Variants in KITLG observed in about 807,000 individuals in gnomAD.
KITLG encodes c-Kit ligand.
A neutral mutation model predicts 34.1 loss-of-function variants in KITLG; 13 were observed. The ratio of observed to expected loss-of-function variants is 0.38; its 90% CI spans 0.25 to 0.61. KITLG has a LOEUF of 0.61. Ranked by LOEUF, KITLG falls within the 20% of genes least tolerant of loss-of-function variation. The probability of loss-of-function intolerance (pLI) is 0.60; values close to 1 mark genes in which losing one functional copy is unlikely to be tolerated. For missense variants in KITLG, 292 were observed against 318.9 expected (o/e 0.92, Z 0.64); for synonymous variants, 110 against 104.0 (o/e 1.06, Z -0.35).
intron 3 of KITLG, among the ~76,000 whole-genome samples, chr12:88,529,816 G>A (rs1870016783): frequency 6.6e-6 from 1 of 152,208 alleles, no homozygotes; most frequent in Non-Finnish European, 1.5e-5. Flanking sequence ...CAAAGGGTGA[G>A]ACCCCTGGTT....
At chr12:88,506,506 T>C in intron 7 of KITLG, 128 bp from the exon 8 acceptor site, 1 of 729,756 alleles carries the variant, frequency 1.4e-6, no homozygotes. Context: ...GCATGTAGCA[T>C]GCAAAATATC....
chr12:88,544,302 T>C lies in KITLG; in HGVS notation c.129+1450A>G, dbSNP rs138303066. Among the ~76,000 whole-genome samples, 41 of 152,258 alleles carry C rather than the reference T, an allele frequency of 2.7e-4. No homozygotes were observed. The East Asian group carries it at 7.7e-3, about 29-fold the overall frequency. On this transcript the variant is annotated intron_variant, in intron 2 of 9. Coordinates refer to ENST00000644744, the MANE Select transcript of KITLG (RefSeq NM_000899.5). ...ATCCCGCTGACATATTATCTCTATT[T>C]AACAGATGAAGAAACTGAGGCTAGA...
chr12:88,546,717 G>C (rs1870731555), intron 1 of KITLG, among the ~76,000 whole-genome samples: 2 of 152,052 alleles, frequency 1.3e-5, no homozygotes, highest in South Asian at 4.1e-4. Flanking sequence ...CAGTGGTCAA[G>C]GTAAAAATAT....
chr12:88,545,688 A>G (rs575969222), intron 2 of KITLG, 64 bp downstream of exon 2: 2 of 927,352 alleles, frequency 2.2e-6, no homozygotes, highest in East Asian at 2.4e-5. Flanking sequence ...TCTTTTATCA[A>G]CAAGCACAGG....
At chr12:88,522,325 T>C (rs1869698179) in intron 3 of KITLG, among the ~76,000 whole-genome samples, 1 of 152,132 alleles carries the variant, frequency 6.6e-6, no homozygotes, top group African/African-American at 2.4e-5. Flanking sequence ...AATTCTGGCA[T>C]GCTTTCTCCT....
chr12:88,551,232 ATTAG>A (rs1310828856), intron 1 of KITLG, among the ~76,000 whole-genome samples: 1 of 152,224 alleles, frequency 6.6e-6, no homozygotes, highest in East Asian at 1.9e-4. Context: ...ATAGCTAAAC[ATTAG>A]GACAGGGAGA....
chr12:88,534,940 T>C (rs2120885523), intron 2 of KITLG, among the ~76,000 whole-genome samples: 1 of 152,270 alleles, frequency 6.6e-6, no homozygotes, highest in South Asian at 2.1e-4. Context: ...TTCTATCTCA[T>C]TTTGAATAAA....
chr12:88,529,153 TA>T (rs915372241), intron 3 of KITLG, among the ~76,000 whole-genome samples: 2 of 152,060 alleles, frequency 1.3e-5, no homozygotes, highest in Non-Finnish European at 2.9e-5. Context: ...TAGCTAAAAA[TA>T]AAAAAATTTT....
At chr12:88,579,393 G>A (rs558535197) in intron 1 of KITLG, among the ~76,000 whole-genome samples, 1 of 152,164 alleles carries the variant, frequency 6.6e-6, no homozygotes, top group African/African-American at 2.4e-5. Context: ...ATCAACAATG[G>A]TGAAGAGAAC....
intron 1 of KITLG, among the ~76,000 whole-genome samples, chr12:88,573,317 T>A (rs191646669): frequency 2.0e-5 from 3 of 152,272 alleles, no homozygotes; most frequent in Admixed American, 1.3e-4. Flanking sequence ...AGCCAAAGAA[T>A]CTGTGTGTTT....
intron 3 of KITLG, among the ~76,000 whole-genome samples, chr12:88,524,766 G>T (rs968383689): frequency 6.6e-6 from 1 of 152,054 alleles, no homozygotes; most frequent in African/African-American, 2.4e-5. Flanking sequence ...ACTTAAAATA[G>T]CATTTAATGT....
intron 2 of KITLG, among the ~76,000 whole-genome samples, chr12:88,543,199 T>C (rs1265376079): frequency 6.6e-6 from 1 of 152,138 alleles, no homozygotes; most frequent in African/African-American, 2.4e-5. Flanking sequence ...ATCATGTTGC[T>C]TTGCTGCACC....
At chr12:88,528,639 T>G (rs1162562120) in intron 3 of KITLG, among the ~76,000 whole-genome samples, 1 of 152,224 alleles carries the variant, frequency 6.6e-6, no homozygotes, top group African/African-American at 2.4e-5. Context: ...AAATACACAC[T>G]GAAGTATTTA....
intron 9 of KITLG, among the ~76,000 whole-genome samples, chr12:88,504,178 A>G (rs1868962166): frequency 6.6e-6 from 1 of 152,116 alleles, no homozygotes; most frequent in South Asian, 2.1e-4. Context: ...TACCTTTCAA[A>G]ACTGGAGAAT....
chr12:88,545,001 C>CT (rs1387872099), intron 2 of KITLG, among the ~76,000 whole-genome samples: 1 of 152,124 alleles, frequency 6.6e-6, no homozygotes, highest in Non-Finnish European at 1.5e-5. Context: ...GCTTCTCAAG[C>CT]TTTGTTCATC....
intron 9 of KITLG, among the ~76,000 whole-genome samples, chr12:88,498,376 C>A (rs1266333576): frequency 6.6e-6 from 1 of 152,052 alleles, no homozygotes; most frequent in Non-Finnish European, 1.5e-5. Context: ...AAGCAGAGAA[C>A]TCTAGAAGCT....
chr12:88,551,177 A>G (rs1468216559), intron 1 of KITLG, among the ~76,000 whole-genome samples: 1 of 152,206 alleles, frequency 6.6e-6, no homozygotes, highest in Non-Finnish European at 1.5e-5. Context: ...CTTTGCTACC[A>G]TTAAAAATAT....
intron 9 of KITLG, among the ~76,000 whole-genome samples, chr12:88,504,620 G>A (rs1868981309): frequency 6.6e-6 from 1 of 152,118 alleles, no homozygotes; most frequent in African/African-American, 2.4e-5. Context: ...AACAACAGGT[G>A]CTGCAGAGGA....
At chr12:88,512,196 A>C (rs1269025301) in intron 6 of KITLG, among the ~76,000 whole-genome samples, 1 of 152,148 alleles carries the variant, frequency 6.6e-6, no homozygotes, top group Admixed American at 6.6e-5. Context: ...CCAGCAGAGA[A>C]ATATGAAATA....
Sources: allele counts gnomAD v4.1 joint callset (sites outside exome capture counted in the v4.1 genomes callset), GRCh38; gene constraint gnomAD v4.1.1; transcripts MANE v1.5; gene names NCBI Gene and HGNC (gene_info 2026-07-23, HGNC 2026-07-21).